Variants in SAMMSON observed in about 807,000 individuals in gnomAD.
SAMMSON encodes long intergenic non-protein coding RNA 1212.
At chr3:70,002,915 G>A (rs1451144274) in intron 1 of SAMMSON, among the ~76,000 whole-genome samples, 1 of 152,044 alleles carries the variant, frequency 6.6e-6, no homozygotes, top group African/African-American at 2.4e-5. Flanking sequence ...TACTGATTTT[G>A]TTCAGTTGGC....
chr3:70,327,724 G>A (rs1702589572), intron 7 of SAMMSON, among the ~76,000 whole-genome samples: 1 of 152,174 alleles, frequency 6.6e-6, no homozygotes, highest in Non-Finnish European at 1.5e-5. Context: ...CATCCAGTAA[G>A]TCCTCAGATA....
intron 6 of SAMMSON, among the ~76,000 whole-genome samples, chr3:70,276,387 G>C (rs1005405507): frequency 6.6e-6 from 1 of 151,990 alleles, no homozygotes; most frequent in African/African-American, 2.4e-5. Flanking sequence ...TAATTCTATT[G>C]TCTTGTGATT....
chr3:70,044,338 T>A (rs1388086662), intron 3 of SAMMSON, among the ~76,000 whole-genome samples: 1 of 151,898 alleles, frequency 6.6e-6, no homozygotes, highest in Non-Finnish European at 1.5e-5. Flanking sequence ...GGATGCAGAT[T>A]TTTTTTTCAG....
At chr3:70,217,366 G>T (rs1337750639) in intron 4 of SAMMSON, among the ~76,000 whole-genome samples, 1 of 152,058 alleles carries the variant, frequency 6.6e-6, no homozygotes, top group Non-Finnish European at 1.5e-5. Context: ...TGTGTAGGTT[G>T]AATTAATAGA....
At chr3:70,379,071 T>C (rs805480) in intron 9 of SAMMSON, among the ~76,000 whole-genome samples, 38,413 of 151,486 alleles carry the variant, frequency 0.25, 5,324 homozygotes, top group Middle Eastern at 0.36. Flanking sequence ...TGGAGTGCAG[T>C]GGCACGATCT....
chr3:70,326,523 C>T (rs1372038667), intron 7 of SAMMSON, among the ~76,000 whole-genome samples: 1 of 152,088 alleles, frequency 6.6e-6, no homozygotes, highest in East Asian at 1.9e-4. Flanking sequence ...AGTGAACTTT[C>T]ATTTTGACTT....
At chr3:70,097,221 ATTG>A (rs1193994423) in intron 4 of SAMMSON, among the ~76,000 whole-genome samples, 3 of 152,204 alleles carry the variant, frequency 2.0e-5, no homozygotes, top group Admixed American at 1.3e-4. Context: ...AGCAGTCAGA[ATTG>A]TTGTTCAAAC....
intron 7 of SAMMSON, among the ~76,000 whole-genome samples, chr3:70,324,200 ATCTATCTATCT>A (rs1395341194): frequency 8.0e-3 from 89 of 11,180 alleles, no homozygotes; most frequent in African/African-American, 0.019. Flanking sequence ...TCTATCTATC[ATCTATCTATCT>A]ATCCACACAC....
intron 4 of SAMMSON, among the ~76,000 whole-genome samples, chr3:70,110,116 G>C (rs1048338988): frequency 4.6e-5 from 7 of 152,188 alleles, no homozygotes; most frequent in African/African-American, 1.7e-4. Context: ...TGTGGAAGTG[G>C]AGATACACAG....
chr3:70,176,279 G>A (rs1701008221), intron 4 of SAMMSON, among the ~76,000 whole-genome samples: 1 of 152,138 alleles, frequency 6.6e-6, no homozygotes, highest in Admixed American at 6.6e-5. Flanking sequence ...TGGTAGAACT[G>A]ATTGCTCAGG....
At chr3:70,350,908 A>T (rs1295684445) in intron 7 of SAMMSON, among the ~76,000 whole-genome samples, 5 of 152,192 alleles carry the variant, frequency 3.3e-5, no homozygotes, top group Non-Finnish European at 7.4e-5. Flanking sequence ...GCAAAAATTT[A>T]GGTAAAAAGC....
intron 4 of SAMMSON, among the ~76,000 whole-genome samples, chr3:70,114,628 G>A (rs551563153): frequency 6.6e-6 from 1 of 152,270 alleles, no homozygotes; most frequent in South Asian, 2.1e-4. Flanking sequence ...CCATTCTCAT[G>A]ATCTCTTGAC....
intron 9 of SAMMSON, among the ~76,000 whole-genome samples, chr3:70,381,282 G>A (rs903957631): frequency 6.6e-6 from 1 of 152,098 alleles, no homozygotes; most frequent in African/African-American, 2.4e-5. Context: ...GTTGATGAGG[G>A]AAAATTCTTA....
At chr3:70,295,719 A>C (rs1702283510) in intron 7 of SAMMSON, among the ~76,000 whole-genome samples, 2 of 152,228 alleles carry the variant, frequency 1.3e-5, no homozygotes, top group South Asian at 4.2e-4. Context: ...TAAATATACA[A>C]ATACTACAAT....
At chr3:70,159,434 A>G (rs1383281522) in intron 4 of SAMMSON, 1 of 151,168 alleles carries the variant, frequency 6.6e-6, no homozygotes, top group Non-Finnish European at 1.5e-5. Context: ...TGCTGGAGTT[A>G]TGTGCTAACT....
chr3:70,138,773 A>C (rs996848466), intron 4 of SAMMSON, among the ~76,000 whole-genome samples: 1 of 152,218 alleles, frequency 6.6e-6, no homozygotes, highest in African/African-American at 2.4e-5. Context: ...GGTATGATTC[A>C]TTCTGAATCA....
In SAMMSON at chr3:70,104,184, A is replaced by G. The variant is rs551683198; in HGVS notation, n.507+32619A>G. 9.5e-4 allele frequency among the ~76,000 whole-genome samples: 145 copies of G among 152,194 alleles called. No homozygotes were observed. In the South Asian group the frequency reaches 9.5e-3, roughly 10 times the overall value. On this transcript the variant is annotated intron_variant and non_coding_transcript_variant, in intron 4 of 9. Transcript: ENST00000642114. Reference sequence around the variant, plus strand: ...TTCCTCTTCTGAATGTGAGAGTCCAATAAAGTCTTCACAGGACTTTTATAT... The same window carrying G: ...TTCCTCTTCTGAATGTGAGAGTCCAGTAAAGTCTTCACAGGACTTTTATAT...
At chr3:70,037,384 G>A (rs2067089687) in intron 3 of SAMMSON, among the ~76,000 whole-genome samples, 1 of 152,184 alleles carries the variant, frequency 6.6e-6, no homozygotes, top group Non-Finnish European at 1.5e-5. Context: ...GCCCTAAACT[G>A]GGATGGTATA....
At chr3:70,135,704 A>C (rs79776320) in intron 4 of SAMMSON, among the ~76,000 whole-genome samples, 4,734 of 152,304 alleles carry the variant, frequency 0.031, 161 homozygotes, top group East Asian at 0.18. Context: ...CATACATAAA[A>C]TTCCTTTTCC....
Sources: allele counts gnomAD v4.1 joint callset (sites outside exome capture counted in the v4.1 genomes callset), GRCh38; gene constraint gnomAD v4.1.1; transcripts MANE v1.5; gene names NCBI Gene and HGNC (gene_info 2026-07-23, HGNC 2026-07-21).